The following CCZ1B variants were observed in gnomAD, a reference collection of about 807,000 sequenced individuals.
CCZ1B encodes the protein vacuolar fusion protein CCZ1 homolog B.
A neutral mutation model predicts 58.8 loss-of-function variants in CCZ1B; 25 were observed. The ratio of observed to expected loss-of-function variants is 0.43; its 90% confidence interval spans 0.31 to 0.59. The LOEUF is 0.59. CCZ1B is among the 20% of genes least tolerant of loss of function. The probability of loss-of-function intolerance (pLI) is 0.12; values close to 1 mark genes in which losing one functional copy is unlikely to be tolerated. For synonymous variants in CCZ1B, 66 were observed against 173.2 expected, an observed-to-expected ratio of 0.38 and a Z score of 4.86; for missense variants, 180 against 501.5, an observed-to-expected ratio of 0.36 and a Z score of 6.12.
chr7:6,814,731 T>C (rs775287580), intron 8 of CCZ1B, 33 bp downstream of exon 8: 3 of 1,572,168 alleles, frequency 1.9e-6, no homozygotes, highest in South Asian at 2.3e-5. Flanking sequence ...TGCCCCTGCA[T>C]GTAATTGTGT....
chr7:6,823,033 A>G (rs1480344701), intron 5 of CCZ1B, among the ~76,000 whole-genome samples: 1 of 147,202 alleles, frequency 6.8e-6, no homozygotes, highest in African/African-American at 2.6e-5. Context: ...TCATAAAATT[A>G]TCTGCATTCT....
intron 10 of CCZ1B, among the ~76,000 whole-genome samples, chr7:6,807,347 CAAAAAA>C (rs1200066676): frequency 9.8e-6 from 1 of 102,258 alleles, no homozygotes; most frequent in Non-Finnish European, 2.0e-5. Context: ...AAAACAAAAA[CAAAAAA>C]ACCCAAACAA....
At chr7:6,819,596 T>C (rs1783075499) in intron 7 of CCZ1B, among the ~76,000 whole-genome samples, 170 bp downstream of exon 7, 1 of 147,590 alleles carries the variant, frequency 6.8e-6, no homozygotes, top group South Asian at 2.2e-4. Context: ...CAAATCACCC[T>C]AGTTCTGCTT....
intron 4 of CCZ1B, among the ~76,000 whole-genome samples, chr7:6,823,614 G>A (rs533807979): frequency 6.8e-6 from 1 of 147,700 alleles, no homozygotes; most frequent in East Asian, 2.0e-4. Flanking sequence ...TGCGTCCCCG[G>A]TTCAAGCGAT....
At chr7:6,821,853 T>C (rs1191447674) in intron 6 of CCZ1B, among the ~76,000 whole-genome samples, 1 of 150,082 alleles carries the variant, frequency 6.7e-6, no homozygotes, top group African/African-American at 2.5e-5. Context: ...TCAAGGCCAA[T>C]AACTCTTACC....
intron 6 of CCZ1B, 24 bp from the exon 7 acceptor site, chr7:6,819,965 A>C (rs1429095592): frequency 6.2e-7 from 1 of 1,602,376 alleles, no homozygotes; most frequent in Non-Finnish European, 8.5e-7. Context: ...ATAAGGCATA[A>C]AATTTACTAA....
At chr7:6,803,833 C>CAG (rs1165031737) in intron 12 of CCZ1B, among the ~76,000 whole-genome samples, 142 of 151,294 alleles carry the variant, frequency 9.4e-4, no homozygotes, top group African/African-American at 3.2e-3. Flanking sequence ...TGATGGCACC[C>CAG]AGCTACTCAG....
chr7:6,804,933 C>T lies in CCZ1B; in HGVS notation c.1106+5G>A, dbSNP rs368981321. ...CTGAAAGTGAACCGAAAGCAAAGTA[C>T]AAACCCAGACATCCTCTTGTTGATG... On this transcript the variant is annotated splice_donor_5th_base_variant and intron_variant, in intron 12 of 14. Transcript: ENST00000316731. 29 of 1,411,650 alleles carry T rather than the reference C, an allele frequency of 2.1e-5. 1 individual carries two copies. The highest frequency in any genetic ancestry group is 9.6e-5 in the African/African-American group (6 of 62,500). The allele number at this position is 1,411,650 out of a possible 1,614,324, so 87.4% of individuals were successfully genotyped here.
At chr7:6,813,866 C>T (rs1372401138) in intron 8 of CCZ1B, among the ~76,000 whole-genome samples, 1 of 149,208 alleles carries the variant, frequency 6.7e-6, no homozygotes, top group African/African-American at 2.5e-5. Flanking sequence ...ATTTTTTTGG[C>T]CAGGAGCAGT....
At position 6,815,204 on chromosome 7, in the gene CCZ1B, T is replaced by C. The variant is rs1361826178; in HGVS notation, c.699-359A>G. ...TTTTTTGAGACAAGGTCTTGCTCTG[T>C]CACCCAGGCTGGAAGCAGTGGTGCG... On this transcript the variant is annotated intron_variant, in intron 7 of 14. Transcript: ENST00000316731. Among the ~76,000 whole-genome samples, 28 of 147,654 alleles carry C rather than the reference T, an allele frequency of 1.9e-4. 1 individual carries two copies. The East Asian group carries it at 4.7e-3, about 25-fold the overall frequency.
In CCZ1B at chr7:6,823,302, G is replaced by A. The variant is rs374742337; in HGVS notation, c.438+11C>T. ...GTTGGACTCTGAGTTGAGAAAGAAC[G>A]CCACGCTTACCTTGTACATGCTGTA... On this transcript the variant is annotated intron_variant, in intron 5 of 14. Coordinates refer to ENST00000316731, the MANE Select transcript of CCZ1B (RefSeq NM_198097.5). 6.0e-5 allele frequency: 97 copies of A among 1,605,362 alleles called. No individual in the cohort carries two copies. Among genetic ancestry groups the A allele is most frequent in the Non-Finnish European group, 7.4e-5 (87 of 1,176,426 alleles).
At chr7:6,823,545 G>C (rs1241045482) in intron 4 of CCZ1B, among the ~76,000 whole-genome samples, 185 bp from the exon 5 acceptor site, 1 of 122,512 alleles carries the variant, frequency 8.2e-6, no homozygotes, top group Non-Finnish European at 1.6e-5. Context: ...TTGAGATGGA[G>C]TCTCGCTCTG....
intron 6 of CCZ1B, 34 bp from the exon 7 acceptor site, chr7:6,819,975 A>G: frequency 1.9e-6 from 3 of 1,584,476 alleles, no homozygotes; most frequent in Non-Finnish European, 2.6e-6. Flanking sequence ...AAATTTACTA[A>G]TAGTACACTG....
At chr7:6,819,056 G>A (rs1468387224) in intron 7 of CCZ1B, among the ~76,000 whole-genome samples, 3 of 144,152 alleles carry the variant, frequency 2.1e-5, no homozygotes, top group African/African-American at 8.1e-5. Context: ...AGGCTGAGGC[G>A]GGTGGATCGC....
Position 6,826,077 on chromosome 7 carries a change from C to A in CCZ1B, c.120+1G>T, listed in dbSNP as rs1783194469. ...GCCCGCGCGCCGCCCCCTCCGCATA[C>A]CTGTCCTTCGCGCGGCCCGAAGCGC... On this transcript the variant is annotated splice_donor_variant, in intron 1 of 14. Transcript: ENST00000316731. LOFTEE classifies it high-confidence loss of function. 1 of 800,936 alleles carries A rather than the reference C, an allele frequency of 1.2e-6. No homozygotes were observed. The highest frequency in any genetic ancestry group is 1.8e-6 in the Non-Finnish European group (1 of 550,186). The allele number at this position is 800,936 out of a possible 1,614,324, so 49.6% of individuals were successfully genotyped here. A position where few individuals can be genotyped will look rare whatever the true frequency, so the allele number is the denominator to read the frequency against.
At chr7:6,816,043 T>C (rs1223859925) in intron 7 of CCZ1B, among the ~76,000 whole-genome samples, 21 of 146,960 alleles carry the variant, frequency 1.4e-4, no homozygotes, top group Admixed American at 8.1e-4. Context: ...AGGCAAACCA[T>C]CTGATCTGAA....
At chr7:6,822,133 C>T in intron 6 of CCZ1B, 148 bp downstream of exon 6, 5 of 1,187,898 alleles carry the variant, frequency 4.2e-6, no homozygotes, top group Middle Eastern at 3.0e-4. Context: ...TTCCTCGCTG[C>T]TCCAGTTTTG....
intron 9 of CCZ1B, 86 bp from the exon 10 acceptor site, chr7:6,812,149 C>T (rs1782926212): frequency 6.3e-6 from 7 of 1,118,174 alleles, no homozygotes; most frequent in Non-Finnish European, 9.4e-6. Context: ...CCACTTCATA[C>T]ACACCAGTTG....
rs1006982054 is a variant in CCZ1B at position 6,808,125 on chromosome 7, C to T, written c.955-2088G>A. 2.5e-5 allele frequency among the ~76,000 whole-genome samples: 3 copies of T among 121,550 alleles called. 1 individual carries two copies. The highest frequency in any genetic ancestry group is 5.3e-5 in the Non-Finnish European group (3 of 56,942). 79.7% of individuals were successfully genotyped at this position (121,550 alleles called of 152,430 possible). A position where few individuals can be genotyped will look rare whatever the true frequency, so the allele number is the denominator to read the frequency against. The stretch of plus-strand genomic sequence containing the variant: ...GGCCAATATCCCTTACACCCAAGCC[C>T]GCACAGCACCCGCTCCACCTCTGGA... On this transcript the variant is annotated intron_variant, in intron 10 of 14. Coordinates refer to ENST00000316731, the MANE Select transcript of CCZ1B (RefSeq NM_198097.5).
Sources: gnomAD v4.1 joint callset for allele counts (sites outside exome capture counted in the v4.1 genomes callset) on GRCh38, gnomAD v4.1.1 for gene constraint, MANE v1.5 for transcripts, NCBI Gene and HGNC (gene_info 2026-07-23, HGNC 2026-07-21) for gene names.